KCTD9: variants seen among roughly 807,000 people sequenced by gnomAD.
The protein encoded by KCTD9 is potassium channel tetramerization domain containing 9.
In KCTD9, 17 loss-of-function variants were observed where a neutral mutation model predicts 53.3. That is an observed-to-expected ratio of 0.32 (90% CI 0.22 to 0.48). The LOEUF (loss-of-function observed/expected upper bound fraction) is 0.48. Among genes scored for constraint, KCTD9 ranks in the 20% least tolerant of loss-of-function variants. The pLI is 0.99. For synonymous variants in KCTD9, 128 were observed against 162.7 expected (o/e 0.79, Z 1.62); for missense variants, 179 against 465.5 (o/e 0.38, Z 5.66).
intron 3 of KCTD9, among the ~76,000 whole-genome samples, chr8:25,441,046 G>C (rs777358701): frequency 4.6e-5 from 7 of 152,194 alleles, no homozygotes; most frequent in Non-Finnish European, 1.0e-4. Context: ...GTAGTTTGCA[G>C]TAAGATCTTA....
In KCTD9 at chr8:25,439,778, C is replaced by T. The variant is rs956036923; in HGVS notation, c.312-114G>A. ...CTCTCAAAAAGATGCATGCTACAACCTGGTAGGAGTAACGCTGGGAAACAA... is the reference window on the plus strand; with the variant it reads ...CTCTCAAAAAGATGCATGCTACAACTTGGTAGGAGTAACGCTGGGAAACAA... On this transcript the variant is annotated intron_variant, in intron 4 of 11. Coordinates refer to ENST00000221200, the MANE Select transcript of KCTD9 (RefSeq NM_017634.4). The T allele has an allele frequency of 3.9e-6, 6 of 1,556,674 alleles. No individual in the cohort carries two copies. In the Admixed American group the frequency reaches 7.6e-5, roughly 20 times the overall value.
intron 6 of KCTD9, among the ~76,000 whole-genome samples, chr8:25,438,380 G>A (rs1802058806): frequency 6.6e-6 from 1 of 151,636 alleles, no homozygotes; most frequent in Non-Finnish European, 1.5e-5. Flanking sequence ...AAAGTTAATG[G>A]GTGTTTTGTA....
At chr8:25,444,568 A>G (rs915579353) in intron 2 of KCTD9, among the ~76,000 whole-genome samples, 1 of 152,114 alleles carries the variant, frequency 6.6e-6, no homozygotes, top group African/African-American at 2.4e-5. Context: ...AAATGTGGGG[A>G]AAAAAATCTC....
chr8:25,455,255 TAAATA>T (rs979642347), intron 1 of KCTD9, among the ~76,000 whole-genome samples: 109 of 151,100 alleles, frequency 7.2e-4, no homozygotes, highest in African/African-American at 2.4e-3. Context: ...AATAAATAAA[TAAATA>T]AAAGTAAAAA....
intron 3 of KCTD9, 102 bp from the exon 4 acceptor site, chr8:25,440,775 C>A: frequency 1.3e-6 from 1 of 767,026 alleles, no homozygotes; most frequent in Non-Finnish European, 2.2e-6. Flanking sequence ...ATAATAAAAG[C>A]ATACCAGAGC....
intron 1 of KCTD9, among the ~76,000 whole-genome samples, chr8:25,457,141 G>T (rs1802458212): frequency 6.6e-6 from 1 of 152,146 alleles, no homozygotes; most frequent in Admixed American, 6.5e-5. Context: ...CCACACTCTG[G>T]TTCGAATTTT....
chr8:25,446,746 C>T (rs926251773), intron 1 of KCTD9, among the ~76,000 whole-genome samples: 1 of 152,148 alleles, frequency 6.6e-6, no homozygotes, highest in East Asian at 1.9e-4. Context: ...AATGGTTCAT[C>T]CTTAGAACAG....
intron 8 of KCTD9, among the ~76,000 whole-genome samples, chr8:25,435,748 T>A (rs575557636): frequency 6.6e-6 from 1 of 152,296 alleles, no homozygotes; most frequent in South Asian, 2.1e-4. Context: ...CGGCTATAAT[T>A]CATTTCTGTG....
chr8:25,435,661 T>A (rs1802003141), intron 8 of KCTD9, 149 bp from the exon 9 acceptor site: 3 of 621,828 alleles, frequency 4.8e-6, no homozygotes. Flanking sequence ...AAATGGAACT[T>A]AGATACATAA....
chr8:25,445,455 T>A (rs936449134), intron 2 of KCTD9, among the ~76,000 whole-genome samples: 38 of 152,186 alleles, frequency 2.5e-4, no homozygotes, highest in African/African-American at 8.9e-4. Context: ...AAAAAACTCA[T>A]GTTTTGCCAA....
At chr8:25,443,323 G>A (rs1802156553) in intron 3 of KCTD9, among the ~76,000 whole-genome samples, 1 of 152,062 alleles carries the variant, frequency 6.6e-6, no homozygotes, top group Admixed American at 6.6e-5. Context: ...AGTTATTCCA[G>A]ATAATAAGAA....
At chr8:25,432,668 A>C (rs745567858) in intron 10 of KCTD9, 31 bp from the exon 11 acceptor site, 3 of 1,584,144 alleles carry the variant, frequency 1.9e-6, no homozygotes, top group East Asian at 2.3e-5. Context: ...GAGTAGTTTA[A>C]CTTAAAAATA....
chr8:25,447,181 G>A (rs1056033001), intron 1 of KCTD9, among the ~76,000 whole-genome samples: 1 of 152,018 alleles, frequency 6.6e-6, no homozygotes, highest in African/African-American at 2.4e-5. Flanking sequence ...AGCACTTAAG[G>A]CCTGGAGTTT....
At chr8:25,449,367 T>C (rs1802276088) in intron 1 of KCTD9, among the ~76,000 whole-genome samples, 1 of 152,220 alleles carries the variant, frequency 6.6e-6, no homozygotes, top group Non-Finnish European at 1.5e-5. Context: ...CTCCTTGCCC[T>C]AACATCAACT....
Position 25,430,021 on chromosome 8 carries a change from C to T in KCTD9, c.1054-48G>A, listed in dbSNP as rs769108012. The T allele has an allele frequency of 1.2e-5, 12 of 1,032,006 alleles. No homozygotes were observed. The Admixed American group carries it at 1.7e-4, about 15-fold the overall frequency. The allele number at this position is 1,032,006 out of a possible 1,614,324, so 63.9% of individuals were successfully genotyped here. On this transcript the variant is annotated intron_variant, in intron 11 of 11. Coordinates refer to ENST00000221200, the MANE Select transcript of KCTD9 (RefSeq NM_017634.4). ...ATGTAATTCATGTGGAAATTTCAGG[C>T]CTTATCTATTTCTGCTCAAAATGAT...
intron 1 of KCTD9, 92 bp from the exon 2 acceptor site, chr8:25,446,342 G>A: frequency 1.3e-5 from 18 of 1,380,976 alleles, no homozygotes; most frequent in Non-Finnish European, 1.8e-5. Flanking sequence ...GTGCTAAAAA[G>A]ATTATCATAT....
chr8:25,441,957 T>C (rs1802131027), intron 3 of KCTD9, among the ~76,000 whole-genome samples: 1 of 151,960 alleles, frequency 6.6e-6, no homozygotes, highest in African/African-American at 2.4e-5. Flanking sequence ...TGAGCCAAGA[T>C]CATACCACTG....
intron 1 of KCTD9, among the ~76,000 whole-genome samples, chr8:25,449,546 T>C (rs866199069): frequency 7.0e-6 from 1 of 142,220 alleles, no homozygotes; most frequent in South Asian, 2.2e-4. Flanking sequence ...TACTTCCATA[T>C]GATTGACTTG....
chr8:25,437,847 C>CAAAAAA lies in KCTD9; in HGVS notation c.500-1368_500-1363dup, dbSNP rs59540797. On this transcript the variant is annotated intron_variant, in intron 6 of 11. Coordinates refer to ENST00000221200, the MANE Select transcript of KCTD9 (RefSeq NM_017634.4). ...TGGGTGACAGAGCGAGACCCTGTCT[C>CAAAAAA]AAAAAAAAAAAAAAAAAAAAAAAAA... is the stretch of plus-strand genomic sequence containing the variant. Among the ~76,000 whole-genome samples the CAAAAAA allele has an allele frequency of 1.0e-3, 64 of 62,540 alleles. 7 individuals are homozygous for CAAAAAA. Among genetic ancestry groups the CAAAAAA allele is most frequent in the African/African-American group, 3.6e-3 (51 of 14,086 alleles). 41.0% of individuals were successfully genotyped at this position (62,540 alleles called of 152,430 possible). A position where few individuals can be genotyped will look rare whatever the true frequency, so the allele number is the denominator to read the frequency against.
Sources: allele counts gnomAD v4.1 joint callset (sites outside exome capture counted in the v4.1 genomes callset), GRCh38; gene constraint gnomAD v4.1.1; transcripts MANE v1.5; gene names NCBI Gene and HGNC (gene_info 2026-07-23, HGNC 2026-07-21).